The following CHN2 variants were observed in gnomAD, a reference collection of about 807,000 sequenced individuals.
CHN2 encodes beta-chimaerin.
Under a neutral mutation model 56.3 loss-of-function variants are expected in CHN2, and 35 were observed. That is an observed-to-expected ratio of 0.62 (90% CI 0.47 to 0.82). The LOEUF (loss-of-function observed/expected upper bound fraction) is 0.82. CHN2 is among the 40% of genes least tolerant of loss of function. The probability of loss-of-function intolerance (pLI) is 0.00; values close to 1 mark genes in which losing one functional copy is unlikely to be tolerated. For synonymous variants in CHN2, 210 were observed against 212.8 expected, an observed-to-expected ratio of 0.99 and a Z score of 0.12; for missense variants, 491 against 580.5, an observed-to-expected ratio of 0.85 and a Z score of 1.58.
At chr7:29,308,479 GT>G (rs1794339540) in intron 1 of CHN2, among the ~76,000 whole-genome samples, 1 of 152,072 alleles carries the variant, frequency 6.6e-6, no homozygotes, top group Non-Finnish European at 1.5e-5. Context: ...GTGTGTGTGT[GT>G]GTTGGGATAG....
At chr7:29,347,562 G>T (rs1424091612) in intron 1 of CHN2, among the ~76,000 whole-genome samples, 1 of 152,088 alleles carries the variant, frequency 6.6e-6, no homozygotes, top group African/African-American at 2.4e-5. Flanking sequence ...ATCAAATCTC[G>T]TGAAAACTCA....
At chr7:29,177,606 TTCTC>T (rs910747978) in intron 2 of CHN2, among the ~76,000 whole-genome samples, 3 of 151,820 alleles carry the variant, frequency 2.0e-5, no homozygotes, top group South Asian at 2.1e-4. Flanking sequence ...CCCTCATTTT[TTCTC>T]TCTCTCTTTT....
At chr7:29,454,049 T>G (rs1057452517) in intron 6 of CHN2, among the ~76,000 whole-genome samples, 9 of 152,126 alleles carry the variant, frequency 5.9e-5, no homozygotes, top group Admixed American at 5.9e-4. Context: ...TCCACAGCAG[T>G]AGACAAATCA....
chr7:29,212,948 G>T (rs544300076), intron 1 of CHN2: 16 of 1,609,778 alleles, frequency 9.9e-6, no homozygotes, highest in Non-Finnish European at 1.3e-5. Flanking sequence ...TAGTGCTGGA[G>T]CAACCACTCC....
chr7:29,154,154 G>A (rs936799686), intron 2 of CHN2, among the ~76,000 whole-genome samples: 3 of 152,120 alleles, frequency 2.0e-5, no homozygotes, highest in Non-Finnish European at 2.9e-5. Flanking sequence ...CATTTATTCT[G>A]ACAGTTGCCC....
chr7:29,231,679 GT>G (rs1786722876), intron 1 of CHN2, among the ~76,000 whole-genome samples: 1 of 152,170 alleles, frequency 6.6e-6, no homozygotes, highest in Non-Finnish European at 1.5e-5. Context: ...CCTTTTAGAT[GT>G]TTCTTTTGGG....
intron 1 of CHN2, chr7:29,212,555 A>G (rs1785034898): frequency 1.4e-6 from 2 of 1,473,930 alleles, no homozygotes; most frequent in Admixed American, 1.7e-5. Context: ...TAATGCCCCA[A>G]AAAAGGGAGA....
At chr7:29,412,128 G>A (rs1324405502) in intron 6 of CHN2, among the ~76,000 whole-genome samples, 2 of 152,036 alleles carry the variant, frequency 1.3e-5, no homozygotes, top group Non-Finnish European at 2.9e-5. Flanking sequence ...TCAGAAAAAG[G>A]GGACCTCTAG....
intron 6 of CHN2, among the ~76,000 whole-genome samples, chr7:29,465,898 C>G (rs1246628176): frequency 6.6e-6 from 1 of 152,198 alleles, no homozygotes; most frequent in Non-Finnish European, 1.5e-5. Context: ...CTCCTCCATT[C>G]CAAACCATTA....
intron 6 of CHN2, among the ~76,000 whole-genome samples, chr7:29,427,079 A>G (rs902449535): frequency 5.3e-5 from 8 of 152,148 alleles, no homozygotes; most frequent in Admixed American, 5.2e-4. Flanking sequence ...GCACTTTGGG[A>G]AGCCAAGGTG....
intron 2 of CHN2, among the ~76,000 whole-genome samples, chr7:29,154,889 A>G (rs1272216145): frequency 6.6e-6 from 1 of 152,236 alleles, no homozygotes; most frequent in East Asian, 1.9e-4. Context: ...GCAATTTACA[A>G]ATGAAAGATG....
intron 1 of CHN2, among the ~76,000 whole-genome samples, chr7:29,292,170 G>A (rs7778996): frequency 0.051 from 7,728 of 152,148 alleles, 268 homozygotes; most frequent in African/African-American, 0.09. Context: ...AGCGAGAGAC[G>A]GGCCAGCACC....
rs911922281 is a variant in CHN2, at chr7:29,194,870, G to C, written c.-72G>C. ...GCTGGGGGCCGCGGAGGCTGCGAGC[G>C]GCCGGGCGAGGGCAGCGGCGGCGGC... On this transcript the variant is annotated 5_prime_UTR_variant, in exon 1 of 13. Coordinates refer to ENST00000222792, the MANE Select transcript of CHN2 (RefSeq NM_004067.4). 5.9e-5 allele frequency: 78 copies of C among 1,322,220 alleles called. No homozygotes were observed. The Middle Eastern group carries it at 1.5e-3, about 25-fold the overall frequency. 81.9% of individuals were successfully genotyped at this position (1,322,220 alleles called of 1,614,324 possible).
At chr7:29,256,702 G>A (rs1398634922) in intron 1 of CHN2, among the ~76,000 whole-genome samples, 2 of 152,174 alleles carry the variant, frequency 1.3e-5, no homozygotes, top group Non-Finnish European at 2.9e-5. Flanking sequence ...TCTGGCACAG[G>A]TGATCTCGAT....
At chr7:29,203,333 G>A (rs1039511765) in intron 1 of CHN2, among the ~76,000 whole-genome samples, 1 of 151,824 alleles carries the variant, frequency 6.6e-6, no homozygotes, top group African/African-American at 2.4e-5. Context: ...TGGGCATGGT[G>A]GCGCATACCT....
intron 6 of CHN2, chr7:29,479,762 C>A: frequency 8.5e-7 from 1 of 1,171,058 alleles, no homozygotes; most frequent in Non-Finnish European, 1.1e-6. Context: ...CTCTCCTTTG[C>A]AATGTGCTGC....
intron 2 of CHN2, among the ~76,000 whole-genome samples, chr7:29,356,545 TG>T (rs1798329632): frequency 1.3e-5 from 2 of 152,286 alleles, no homozygotes; most frequent in African/African-American, 4.8e-5. Flanking sequence ...GCATGCTTCA[TG>T]TTAGGCATTT....
chr7:29,256,601 A>G (rs2128826342), intron 1 of CHN2, among the ~76,000 whole-genome samples: 1 of 152,320 alleles, frequency 6.6e-6, no homozygotes, highest in East Asian at 1.9e-4. Flanking sequence ...TCCCCAGTAT[A>G]TTCTGCCAGA....
chr7:29,505,672 G>A (rs973787108), intron 10 of CHN2, among the ~76,000 whole-genome samples: 2 of 152,176 alleles, frequency 1.3e-5, no homozygotes, highest in East Asian at 1.9e-4. Context: ...AGGAAGCCTC[G>A]CTGACTACCC....
Sources: gnomAD v4.1 joint callset for allele counts (sites outside exome capture counted in the v4.1 genomes callset) on GRCh38, gnomAD v4.1.1 for gene constraint, MANE v1.5 for transcripts, NCBI Gene and HGNC (gene_info 2026-07-23, HGNC 2026-07-21) for gene names.